The following ZNF185 variants were observed in gnomAD, a reference collection of about 807,000 sequenced individuals.
The protein encoded by ZNF185 is zinc finger protein 185.
A neutral mutation model predicts 58.6 loss-of-function variants in ZNF185; 56 were observed. The ratio of observed to expected loss-of-function variants is 0.95; its 90% confidence interval spans 0.77 to 1.19. The LOEUF (loss-of-function observed/expected upper bound fraction) is 1.19, where lower values mean the gene tolerates loss of function less well. Ranked by LOEUF, ZNF185 falls within the 50% of genes most tolerant of loss-of-function variation. The pLI is 0.00. For synonymous variants in ZNF185, 230 were observed against 215.9 expected (o/e 1.07, Z -0.57); for missense variants, 627 against 573.5 (o/e 1.09, Z -0.95).
At chrX:152,967,315 G>T (rs1339872146) in intron 20 of ZNF185, 77 bp downstream of exon 22, 3 of 1,017,280 alleles carry the variant, frequency 2.9e-6, no homozygotes, top group Non-Finnish European at 4.1e-6. Context: ...TGCTGAGTCT[G>T]TTTGCTTTTG....
At chrX:152,912,572 A>T (rs1170960133), upstream of ZNF185, among the ~76,000 whole-genome samples, 2 of 111,498 alleles carry the variant, frequency 1.8e-5, no homozygotes, top group Non-Finnish European at 3.8e-5. Flanking sequence ...TGCCACGCTC[A>T]TATGTGGAAG....
intron 14 of ZNF185, among the ~76,000 whole-genome samples, chrX:152,933,970 A>G (rs1254485087): frequency 2.7e-5 from 3 of 112,310 alleles, no homozygotes; most frequent in Non-Finnish European, 5.6e-5. Flanking sequence ...GGCCTCTGAA[A>G]CCACTGTCTC....
intron 22 of ZNF185, 84 bp from the exon 25 acceptor site, chrX:152,971,190 T>G (rs2050641085): frequency 8.9e-6 from 1 of 111,884 alleles, no homozygotes; most frequent in South Asian, 3.8e-4. Flanking sequence ...AGGTGGTAAC[T>G]CCTGATGACT....
intron 16 of ZNF185, among the ~76,000 whole-genome samples, chrX:152,953,658 A>G (rs1329489176): frequency 1.8e-5 from 2 of 112,238 alleles, no homozygotes; most frequent in Non-Finnish European, 3.8e-5. Context: ...TTATTGCACC[A>G]CTGCACTCCA....
chrX:152,925,117 AC>A (rs1940595489), intron 11 of ZNF185, among the ~76,000 whole-genome samples: 2 of 111,878 alleles, frequency 1.8e-5, no homozygotes. Context: ...ACATAGCAAG[AC>A]CCCATCTCTA....
exon 23 of ZNF185, chrX:152,973,277 C>T (rs925566284): frequency 8.9e-6 from 1 of 112,274 alleles, no homozygotes; most frequent in African/African-American, 3.2e-5. Flanking sequence ...ACATGCAAGA[C>T]ATTGAAAGAA....
intron 16 of ZNF185, among the ~76,000 whole-genome samples, chrX:152,958,848 C>T (rs1197539711): frequency 2.7e-5 from 3 of 112,254 alleles, no homozygotes; most frequent in South Asian, 3.7e-4. Context: ...GCGGTCACAA[C>T]GATAAGTGGG....
In ZNF185 at chrX:152,965,013, A is replaced by G. The variant is rs1446310286; in HGVS notation, c.1719-434A>G. Among the ~76,000 whole-genome samples, 9 of 111,730 alleles carry G rather than the reference A, an allele frequency of 8.1e-5. No homozygotes were observed. In the East Asian group the frequency reaches 8.5e-4, roughly 10 times the overall value. On this transcript the variant is annotated intron_variant, in intron 18 of 22. Transcript: ENST00000449285. ...CACAGTAGCTGAGTACCTTCTGGGAAGTGCTGAGTGGTAAAGACTGACAGT... is the reference window on the plus strand; with the variant it reads ...CACAGTAGCTGAGTACCTTCTGGGAGGTGCTGAGTGGTAAAGACTGACAGT...
the ZNF185 span, among the ~76,000 whole-genome samples, chrX:152,901,463 T>C: frequency 9.0e-6 from 1 of 110,622 alleles, no homozygotes; most frequent in African/African-American, 3.3e-5. Flanking sequence ...TACCTTGAAT[T>C]GATTTAAAAC....
chrX:152,925,820 G>A (rs1940755468), intron 11 of ZNF185, among the ~76,000 whole-genome samples: 1 of 112,151 alleles, frequency 8.9e-6, no homozygotes, highest in Non-Finnish European at 1.9e-5. Context: ...TGGAAGAGGA[G>A]AATGTCACAG....
intron 16 of ZNF185, among the ~76,000 whole-genome samples, chrX:152,952,171 T>A (rs993753226): frequency 8.9e-6 from 1 of 112,382 alleles, no homozygotes; most frequent in African/African-American, 3.2e-5. Context: ...TTCTGTTGTA[T>A]TATATGTAAT....
intron 15 of ZNF185, chrX:152,941,917 G>A: frequency 2.9e-6 from 3 of 1,037,816 alleles, no homozygotes; most frequent in East Asian, 3.7e-5. Flanking sequence ...CCCGCGAGGG[G>A]CCGAACGGGG....
intron 20 of ZNF185, 142 bp downstream of exon 22, chrX:152,967,380 A>AG: frequency 1.8e-6 from 1 of 541,493 alleles, no homozygotes. Flanking sequence ...ACACTACCGT[A>AG]GGGTGGTGCT....
intron 17 of ZNF185, among the ~76,000 whole-genome samples, chrX:152,961,702 T>C (rs1339403678): frequency 1.8e-5 from 2 of 112,584 alleles, no homozygotes; most frequent in Non-Finnish European, 3.8e-5. Context: ...AGCATGATCG[T>C]AATAACCATT....
chrX:152,922,349 G>A lies in ZNF185; in HGVS notation c.740+93G>A, dbSNP rs1939906352. Reference sequence around the variant, plus strand: ...ACCTCAGTCAGGGCACCTCCATGCTGGGCTTCGAGATCAGTGTCCCCATGT... The same window carrying A: ...ACCTCAGTCAGGGCACCTCCATGCTAGGCTTCGAGATCAGTGTCCCCATGT... On this transcript the variant is annotated intron_variant, in intron 10 of 22. Transcript: ENST00000449285. The A allele has an allele frequency of 3.5e-6, 3 of 866,947 alleles. No individual in the cohort carries two copies. The African/African-American group carries it at 6.0e-5, about 17-fold the overall frequency. The allele number at this position is 866,947 out of a possible 1,213,427, so 71.4% of individuals were successfully genotyped here. A position where few individuals can be genotyped will look rare whatever the true frequency, so the allele number is the denominator to read the frequency against.
At chrX:152,928,138 A>G (rs1029007781) in intron 11 of ZNF185, among the ~76,000 whole-genome samples, 11 of 109,411 alleles carry the variant, frequency 1.0e-4, no homozygotes, top group African/African-American at 3.7e-4. Flanking sequence ...ATCCCCTCCC[A>G]CTGGTTTTCA....
chrX:152,950,199 A>G (rs1556898769), intron 16 of ZNF185, among the ~76,000 whole-genome samples: 1 of 112,319 alleles, frequency 8.9e-6, no homozygotes, highest in Non-Finnish European at 1.9e-5. Flanking sequence ...ATTAGTGGCA[A>G]TGATCCTTTT....
intron 3 of ZNF185, 97 bp from the exon 5 acceptor site, chrX:152,917,034 C>A: frequency 1.8e-6 from 2 of 1,136,958 alleles, no homozygotes; most frequent in South Asian, 3.8e-5. Context: ...CACTTGCCAG[C>A]CAATCTTATT....
At chrX:152,916,992 C>T (rs1938613989) in intron 3 of ZNF185, 139 bp from the exon 5 acceptor site, 1 of 844,366 alleles carries the variant, frequency 1.2e-6, no homozygotes, top group African/African-American at 2.0e-5. Context: ...GGGCTGGCAC[C>T]CCTCGTTTCT....
Sources: gnomAD v4.1 joint callset for allele counts (sites outside exome capture counted in the v4.1 genomes callset) on GRCh38, gnomAD v4.1.1 for gene constraint, MANE v1.5 for transcripts, NCBI Gene and HGNC (gene_info 2026-07-23, HGNC 2026-07-21) for gene names.